The following EPHB2 variants were observed in gnomAD, a reference collection of about 807,000 sequenced individuals.
EPHB2 encodes the protein EPH receptor B2.
In EPHB2, 18 loss-of-function variants were observed where a neutral mutation model predicts 96.4. The ratio of observed to expected loss-of-function variants is 0.19; its 90% CI spans 0.13 to 0.28. The LOEUF is 0.28. Among genes scored for constraint, EPHB2 ranks in the 10% least tolerant of loss-of-function variants. The pLI is 1.00. For missense variants in EPHB2, 989 were observed against 1,355.4 expected (o/e 0.73, Z 4.25); for synonymous variants, 506 against 534.1 (o/e 0.95, Z 0.72).
At chr1:22,713,274 A>T (rs2148328530) in intron 1 of EPHB2, among the ~76,000 whole-genome samples, 1 of 152,112 alleles carries the variant, frequency 6.6e-6, no homozygotes, top group East Asian at 1.9e-4. Flanking sequence ...GGATGGGGAG[A>T]TGGTGTGAGG....
At position 22,733,329 on chromosome 1, in the gene EPHB2, G is replaced by A. The variant is rs184254218; in HGVS notation, c.61+22286G>A. On this transcript the variant is annotated intron_variant, in intron 1 of 15. Coordinates refer to ENST00000374630, the MANE Select transcript of EPHB2 (RefSeq NM_017449.5). This position sits in a 1 kb window ranked among gnomAD's most constrained non-coding sequence, Gnocchi z 4.6. ...CTTCCAAAGTGCTGGGATTGCAGGC[G>A]TGAACCACTGTGGCTGGCCCAGGCT... is the stretch of plus-strand genomic sequence containing the variant. Among the ~76,000 whole-genome samples, 199 of 152,232 alleles carry A rather than the reference G, an allele frequency of 1.3e-3. No individual in the cohort carries two copies. The highest frequency in any genetic ancestry group is 4.6e-3 in the African/African-American group (192 of 41,536).
chr1:22,714,718 C>G (rs1301236114), intron 1 of EPHB2, among the ~76,000 whole-genome samples: 1 of 152,206 alleles, frequency 6.6e-6, no homozygotes, highest in Admixed American at 6.5e-5. Flanking sequence ...TCAGATGAGC[C>G]AGATCTGGTC....
intron 3 of EPHB2, among the ~76,000 whole-genome samples, chr1:22,818,672 T>C (rs1025911833): frequency 2.0e-5 from 3 of 152,140 alleles, no homozygotes; most frequent in Non-Finnish European, 4.4e-5. Flanking sequence ...CTCTGAGCCT[T>C]GGCACATGCT....
chr1:22,763,906 C>T (rs746709810), intron 1 of EPHB2, among the ~76,000 whole-genome samples: 20 of 152,108 alleles, frequency 1.3e-4, no homozygotes, highest in Admixed American at 5.2e-4. Flanking sequence ...GCTCCTTCAT[C>T]CCCAAAGTGT....
chr1:22,811,765 G>C (rs1281821488), intron 3 of EPHB2, among the ~76,000 whole-genome samples: 1 of 152,268 alleles, frequency 6.6e-6, no homozygotes, highest in African/African-American at 2.4e-5. Context: ...TTGGCCGGGG[G>C]CAGTGGCTCA....
intron 3 of EPHB2, among the ~76,000 whole-genome samples, chr1:22,788,247 G>A (rs1440645857): frequency 6.6e-6 from 1 of 152,220 alleles, no homozygotes; most frequent in African/African-American, 2.4e-5. Context: ...TGGTGAGGGT[G>A]CAAGGTGGGG....
chr1:22,865,073 G>A lies in EPHB2; in HGVS notation c.1164G>A (p.Leu388=). Residue 388 remains leucine (L), a synonymous_variant, in exon 5 of 16, where the codon CTG becomes CTA. Coordinates refer to ENST00000374630, the MANE Select transcript of EPHB2 (RefSeq NM_017449.5). ...AGTACGCACCACGCCAGCTAGGCCTGACCGAGCCACGCATTTACATCAGTG... is the reference window on the plus strand; with the variant it reads ...AGTACGCACCACGCCAGCTAGGCCTAACCGAGCCACGCATTTACATCAGTG... ...NVQYAPRQLG[L]TEPRIYISDL... 1 of 1,614,220 alleles carries A rather than the reference G, an allele frequency of 6.2e-7. No individual in the cohort carries two copies.
rs564099319 is a variant in EPHB2, at chr1:22,735,716, C to T, written c.61+24673C>T. ...TGCAATTCAAGCTTGACTCATTTGG[C>T]TTAACTCATGGGAATTTGCCTTCCT... On this transcript the variant is annotated intron_variant, in intron 1 of 15. Transcript: ENST00000374630. Among the ~76,000 whole-genome samples, 5 of 152,286 alleles carry T rather than the reference C, an allele frequency of 3.3e-5. No homozygotes were observed. In the South Asian group the frequency reaches 8.3e-4, roughly 25 times the overall value.
At chr1:22,821,835 G>A (rs1645156010) in intron 3 of EPHB2, among the ~76,000 whole-genome samples, 1 of 152,210 alleles carries the variant, frequency 6.6e-6, no homozygotes, top group South Asian at 2.1e-4. Context: ...TTTCCTGCTC[G>A]GACAGTCAGT....
chr1:22,834,981 G>A (rs1383450002), intron 3 of EPHB2, among the ~76,000 whole-genome samples: 4 of 152,128 alleles, frequency 2.6e-5, no homozygotes, highest in African/African-American at 4.8e-5. Context: ...GCCTGTGGGG[G>A]CATAGTTTGT....
chr1:22,895,750 G>A (rs546931584), intron 8 of EPHB2, among the ~76,000 whole-genome samples, 170 bp downstream of exon 8: 1 of 152,368 alleles, frequency 6.6e-6, no homozygotes, highest in African/African-American at 2.4e-5. Context: ...CTACCTAAGC[G>A]GCCACCATGT....
chr1:22,776,243 A>G (rs980866188), intron 1 of EPHB2, among the ~76,000 whole-genome samples: 8 of 151,960 alleles, frequency 5.3e-5, no homozygotes, highest in Non-Finnish European at 1.0e-4. Flanking sequence ...CCCTCTGCCT[A>G]GCGTGCCCCT....
At chr1:22,874,867 C>T (rs958404239) in intron 5 of EPHB2, among the ~76,000 whole-genome samples, 8 of 152,086 alleles carry the variant, frequency 5.3e-5, no homozygotes, top group Non-Finnish European at 1.0e-4. Context: ...TTCCCAAAAA[C>T]GTTAAGAACT....
At position 22,784,218 on chromosome 1, in the gene EPHB2, G is replaced by A. The variant is rs1362826844; in HGVS notation, c.127-174G>A. ...GCTAGCAGAATACCAAGAGCAGGAT[G>A]TGTGCCTTTCCCACCTGATTGGCAT... On this transcript the variant is annotated intron_variant, in intron 2 of 15. Coordinates refer to ENST00000374630, the MANE Select transcript of EPHB2 (RefSeq NM_017449.5). This position sits in a 1 kb window ranked among gnomAD's most constrained non-coding sequence, Gnocchi z 5.1. Among the ~76,000 whole-genome samples the A allele has an allele frequency of 2.6e-5, 4 of 152,202 alleles. No homozygotes were observed. The highest frequency in any genetic ancestry group is 4.8e-5 in the African/African-American group (2 of 41,446).
chr1:22,725,157 G>C (rs1196776041), intron 1 of EPHB2, among the ~76,000 whole-genome samples: 7 of 152,150 alleles, frequency 4.6e-5, no homozygotes. Context: ...CATCCATGCT[G>C]GTTGGGTAGT....
At chr1:22,894,639 A>G (rs375502474) in intron 7 of EPHB2, among the ~76,000 whole-genome samples, 24 of 152,206 alleles carry the variant, frequency 1.6e-4, no homozygotes, top group African/African-American at 5.5e-4. Context: ...ATGTAAATCA[A>G]TGATAGTGTT....
chr1:22,720,711 C>T (rs1044404222), intron 1 of EPHB2, among the ~76,000 whole-genome samples: 19 of 126,524 alleles, frequency 1.5e-4, no homozygotes, highest in Admixed American at 1.0e-4. Flanking sequence ...TCAGTGTTAT[C>T]TGCCTCTTCT....
intron 7 of EPHB2, among the ~76,000 whole-genome samples, chr1:22,893,489 G>C (rs1639456823): frequency 1.3e-5 from 2 of 152,212 alleles, no homozygotes; most frequent in Admixed American, 1.3e-4. Context: ...GATTAGTACT[G>C]TCTGCTCCAG....
chr1:22,784,340 T>TGTGCTGG lies in EPHB2; in HGVS notation c.127-50_127-44dup. On this transcript the variant is annotated intron_variant, in intron 2 of 15. Coordinates refer to ENST00000374630, the MANE Select transcript of EPHB2 (RefSeq NM_017449.5). This position sits in a 1 kb window ranked among gnomAD's most constrained non-coding sequence, Gnocchi z 5.1. ...TGTGTCTTCCACCTTAGACTGAGTG[T>TGTGCTGG]GTGCTGGGGCTGAGCCCTTACCTCC... 1 of 1,568,968 alleles carries TGTGCTGG rather than the reference T, an allele frequency of 6.4e-7. No homozygotes were observed. The highest frequency in any genetic ancestry group is 2.2e-5 in the East Asian group (1 of 44,658).
Sources: gnomAD v4.1 joint callset for allele counts (sites outside exome capture counted in the v4.1 genomes callset) on GRCh38, gnomAD v4.1.1 for gene constraint, Gnocchi (gnomAD v3.1) non-coding constraint, MANE v1.5 for transcripts, NCBI Gene and HGNC (gene_info 2026-07-23, HGNC 2026-07-21) for gene names.